RNF20: variants seen among roughly 807,000 people sequenced by gnomAD.
The protein encoded by RNF20 is E3 ubiquitin-protein ligase BRE1A.
In RNF20, 84 loss-of-function variants were observed where a neutral mutation model predicts 126.2. That is an observed-to-expected ratio of 0.67 (90% CI 0.56 to 0.80). The LOEUF (loss-of-function observed/expected upper bound fraction) is 0.80. Among genes scored for constraint, RNF20 ranks in the 30% least tolerant of loss-of-function variants. The pLI is 0.00. For missense variants in RNF20, 869 were observed against 1,188.2 expected (o/e 0.73, Z 3.95); for synonymous variants, 400 against 414.3 (o/e 0.97, Z 0.42).
Position 101,562,367 on chromosome 9 carries a change from C to T in RNF20, c.2873C>T (p.Pro958Leu), listed in dbSNP as rs776822004. ...TATGACACCCGCCAGCGCAAATGTC[C>T]CAAGTGTAATGCTGCTTTTGGTGCC... ...TRYDTRQRKC[P>L]KCNAAFGAND... The change falls in exon 20 of 20, where the codon CCC becomes CTC. Residue 958 changes from proline to leucine, a missense_variant. Pro to Leu is a moderately conservative substitution (Grantham distance 98). Transcript: ENST00000389120. The T allele has an allele frequency of 6.2e-7, 1 of 1,613,912 alleles. No individual in the cohort carries two copies. The highest frequency in any genetic ancestry group is 1.1e-5 in the South Asian group (1 of 91,068).
chr9:101,559,410 ATTGT>A (rs1588227245), intron 16 of RNF20, among the ~76,000 whole-genome samples: 1 of 151,664 alleles, frequency 6.6e-6, no homozygotes, highest in East Asian at 1.9e-4. Flanking sequence ...GCGTTTTAGG[ATTGT>A]TTGTTCTAGT....
rs200797084 is a variant in RNF20 at position 101,540,967 on chromosome 9, A to G, written c.620A>G (p.Asn207Ser). The G allele has an allele frequency of 1.4e-5, 22 of 1,614,026 alleles. No individual in the cohort carries two copies. The East Asian group carries it at 4.5e-4, about 33-fold the overall frequency. The part of the protein sequence containing the change: ...EKVELLSRKL[N>S]SGDNLIVEEA... ...GTGGAGCTCTTATCCCGGAAGCTAA[A>G]CAGTGGAGGTGAGGCAAGACCCTGG... The change falls in exon 5 of 20, where the codon AAC (asparagine) becomes AGC (serine). Residue 207 changes from asparagine (N) to serine (S), a missense_variant. Coordinates refer to ENST00000389120, the MANE Select transcript of RNF20 (RefSeq NM_019592.7).
chr9:101,544,951 T>G (rs1246391772), intron 6 of RNF20, 66 bp downstream of exon 6: 21 of 987,062 alleles, frequency 2.1e-5, no homozygotes, highest in Non-Finnish European at 3.3e-5. Context: ...CTTACAATTC[T>G]GAGCACCTCA....
intron 9 of RNF20, among the ~76,000 whole-genome samples, chr9:101,549,350 G>A (rs1827405217): frequency 6.6e-6 from 1 of 152,186 alleles, no homozygotes; most frequent in Admixed American, 6.5e-5. Context: ...GACAGAGAGA[G>A]AAACAGCTTA....
intron 2 of RNF20, among the ~76,000 whole-genome samples, chr9:101,535,988 T>A (rs1441272237): frequency 6.6e-6 from 1 of 152,228 alleles, no homozygotes; most frequent in Non-Finnish European, 1.5e-5. Flanking sequence ...CCTTGTGTTA[T>A]CCTTCCTTTG....
At chr9:101,549,256 A>G (rs1465934737) in intron 9 of RNF20, among the ~76,000 whole-genome samples, 1 of 152,178 alleles carries the variant, frequency 6.6e-6, no homozygotes, top group Non-Finnish European at 1.5e-5. Flanking sequence ...GCCATCTCCA[A>G]TCGTAGGTAA....
chr9:101,546,965 G>T lies in RNF20; in HGVS notation c.893G>T (p.Arg298Leu). The change falls in exon 7 of 20, where the codon CGG becomes CTG. Residue 298 changes from arginine (R) to leucine (L), a missense_variant and splice_region_variant. Arg to Leu is a moderately radical substitution (Grantham distance 102, BLOSUM62 -2). This residue lies in a region of RNF20 where 153 missense variants were observed against 226.4 expected (regional missense o/e 0.68). Coordinates refer to ENST00000389120, the MANE Select transcript of RNF20 (RefSeq NM_019592.7). ...CGACACTTAGCAGAAGTCCTAGAACGGGTCAGTGCTGTTTTATGGCTTGGA... is the reference window on the plus strand; with the variant it reads ...CGACACTTAGCAGAAGTCCTAGAACTGGTCAGTGCTGTTTTATGGCTTGGA... ...LNRHLAEVLE[R>L]VNSKGYKVYG... 1 of 1,614,012 alleles carries T rather than the reference G, an allele frequency of 6.2e-7. No individual in the cohort carries two copies. Among genetic ancestry groups the T allele is most frequent in the Non-Finnish European group, 8.5e-7 (1 of 1,179,954 alleles).
chr9:101,556,950 A>C (rs987661815), intron 15 of RNF20, among the ~76,000 whole-genome samples: 1 of 152,208 alleles, frequency 6.6e-6, no homozygotes, highest in Non-Finnish European at 1.5e-5. Context: ...ATAGATATAA[A>C]GTAAAGCTAT....
chr9:101,547,670 G>T, intron 9 of RNF20, 152 bp downstream of exon 9: 1 of 892,088 alleles, frequency 1.1e-6, no homozygotes, highest in Non-Finnish European at 1.7e-6. Flanking sequence ...AACAAATTAG[G>T]TGTAAAGAAG....
intron 6 of RNF20, 110 bp from the exon 7 acceptor site, chr9:101,546,710 A>C: frequency 1.9e-6 from 2 of 1,042,314 alleles, no homozygotes; most frequent in Middle Eastern, 2.3e-4. Context: ...AAGAGGGTGA[A>C]GCATCTTCTA....
intron 15 of RNF20, among the ~76,000 whole-genome samples, chr9:101,555,230 AC>A (rs1475911236): frequency 4.0e-5 from 6 of 151,874 alleles, no homozygotes; most frequent in African/African-American, 1.4e-4. Flanking sequence ...AACTAAGAAA[AC>A]TATGCTTATA....
At chr9:101,540,029 T>C in intron 2 of RNF20, 174 bp from the exon 3 acceptor site, 1 of 630,964 alleles carries the variant, frequency 1.6e-6, no homozygotes, top group Non-Finnish European at 2.7e-6. Context: ...CACACCATCA[T>C]ATACCTGTTG....
rs1351915357 is a variant in RNF20 at position 101,552,387 on chromosome 9, G to C, written c.1535G>C (p.Arg512Pro). 1 of 1,605,310 alleles carries C rather than the reference G, an allele frequency of 6.2e-7. No homozygotes were observed. Among genetic ancestry groups the C allele is most frequent in the Non-Finnish European group, 8.5e-7 (1 of 1,174,196 alleles). ...REAQSDLNKT[R>P]LRSGSALLQS... ...TTCTTTTCTTTATTCTCCCAGACAC[G>C]CCTGCGTAGTGGTAGTGCCCTCCTG... is the stretch of plus-strand genomic sequence containing the variant. Residue 512 changes from arginine (R) to proline (P), a missense_variant, in exon 13 of 20, where the codon CGC (arginine) becomes CCC (proline). Transcript: ENST00000389120.
At chr9:101,534,126 C>T (rs1416022848) in intron 1 of RNF20, 2 of 152,154 alleles carry the variant, frequency 1.3e-5, no homozygotes, top group African/African-American at 2.4e-5. Flanking sequence ...TGTTCTGCTT[C>T]TGTGTCTTCT....
intron 16 of RNF20, among the ~76,000 whole-genome samples, chr9:101,558,897 C>T (rs374858582): frequency 6.6e-6 from 1 of 151,998 alleles, no homozygotes; most frequent in Admixed American, 6.6e-5. Context: ...GAAGCTTTTT[C>T]GTTTAATTAA....
intron 14 of RNF20, 62 bp from the exon 15 acceptor site, chr9:101,554,632 T>C: frequency 7.0e-7 from 1 of 1,421,202 alleles, no homozygotes; most frequent in South Asian, 1.2e-5. Context: ...TGCACAGTAT[T>C]AATTGATTTT....
chr9:101,552,321 A>G, intron 12 of RNF20, 59 bp downstream of exon 12: 1 of 1,612,614 alleles, frequency 6.2e-7, no homozygotes, highest in Non-Finnish European at 8.5e-7. Context: ...GCTGCTTTTG[A>G]ATGAGGTCGG....
At chr9:101,551,599 A>G in intron 10 of RNF20, 85 bp from the exon 11 acceptor site, 1 of 1,282,804 alleles carries the variant, frequency 7.8e-7, no homozygotes, top group South Asian at 1.7e-5. Context: ...ATTGAACTGG[A>G]AATTTTCAGA....
chr9:101,557,471 T>C lies in RNF20; in HGVS notation c.2257T>C (p.Leu753=), dbSNP rs749654236. The C allele has an allele frequency of 8.7e-6, 14 of 1,613,880 alleles. No homozygotes were observed. Among genetic ancestry groups the C allele is most frequent in the Non-Finnish European group, 1.2e-5 (14 of 1,179,930 alleles). Residue 753 remains leucine, a synonymous_variant, in exon 16 of 20, where the codon TTG becomes CTG. Transcript: ENST00000389120. ...QEQNIRLMQQ[L]REKDDANFKL... ...GCAAAATATCCGTTTGATGCAGCAA[T>C]TGCGGGAGAAGGATGATGCAAATTT...
Sources: gnomAD v4.1 joint callset for allele counts (sites outside exome capture counted in the v4.1 genomes callset) on GRCh38, gnomAD v4.1.1 for gene constraint, gnomAD v4.1.1 regional missense constraint, MANE v1.5 for transcripts, NCBI Gene and HGNC (gene_info 2026-07-23, HGNC 2026-07-21) for gene names.